SNX25: variants seen among roughly 807,000 people sequenced by gnomAD.
SNX25 encodes sorting nexin 25.
Under a neutral mutation model 113.7 loss-of-function variants are expected in SNX25, and 62 were observed. That is an observed-to-expected ratio of 0.55 (90% CI 0.44 to 0.67). The LOEUF (loss-of-function observed/expected upper bound fraction) is 0.67, where lower values mean the gene tolerates loss of function less well. Among genes scored for constraint, SNX25 ranks in the 30% least tolerant of loss-of-function variants. The pLI is 0.00. For synonymous variants in SNX25, 421 were observed against 436.2 expected (o/e 0.97, Z 0.43); for missense variants, 1,014 against 1,161.0 (o/e 0.87, Z 1.84).
chr4:185,222,309 C>T (rs1243301648), intron 1 of SNX25, among the ~76,000 whole-genome samples: 3 of 150,922 alleles, frequency 2.0e-5, no homozygotes, highest in East Asian at 2.0e-4. Context: ...ATATACTCCT[C>T]GTTCACTGTA....
intron 1 of SNX25, among the ~76,000 whole-genome samples, chr4:185,211,408 C>T (rs1737769214): frequency 6.6e-6 from 1 of 152,200 alleles, no homozygotes; most frequent in African/African-American, 2.4e-5. Context: ...AAAATCTCCA[C>T]TTAGCCATCC....
intron 5 of SNX25, among the ~76,000 whole-genome samples, chr4:185,286,990 G>A (rs771404839): frequency 6.6e-6 from 1 of 152,094 alleles, no homozygotes; most frequent in Admixed American, 6.6e-5. Context: ...AACACTGCAC[G>A]GTTTTTGTTC....
intron 1 of SNX25, among the ~76,000 whole-genome samples, chr4:185,234,333 C>T (rs1477348072): frequency 6.6e-6 from 1 of 152,176 alleles, no homozygotes; most frequent in African/African-American, 2.4e-5. Flanking sequence ...GTCATAACAT[C>T]AATCCCATGT....
intron 15 of SNX25, among the ~76,000 whole-genome samples, chr4:185,357,428 TTGG>T (rs1250801265): frequency 6.6e-6 from 1 of 152,124 alleles, no homozygotes; most frequent in Non-Finnish European, 1.5e-5. Context: ...AGCTCAGCTG[TTGG>T]GAGGCACTGA....
chr4:185,313,293 T>C (rs2095045383), intron 7 of SNX25, among the ~76,000 whole-genome samples: 1 of 152,136 alleles, frequency 6.6e-6, no homozygotes, highest in South Asian at 2.1e-4. Context: ...CAAAATAGAC[T>C]TCGGAACAGG....
At position 185,264,426 on chromosome 4, in the gene SNX25, C is replaced by G; in HGVS notation, c.732-12C>G. The stretch of plus-strand genomic sequence containing the variant: ...GAAACTTCTTTCCTTCTTTTTCACT[C>G]TCTTTATTTAGACATGAAGAACAGC... On this transcript the variant is annotated splice_polypyrimidine_tract_variant and intron_variant, in intron 3 of 18. Coordinates refer to ENST00000652585, the MANE Select transcript of SNX25 (RefSeq NM_001378034.2). 1.2e-6 allele frequency: 2 copies of G among 1,606,424 alleles called. No individual in the cohort carries two copies. The highest frequency in any genetic ancestry group is 1.1e-5 in the South Asian group (1 of 90,188).
At chr4:185,267,729 TAAAAAA>T (rs963267655) in intron 5 of SNX25, among the ~76,000 whole-genome samples, 3 of 136,274 alleles carry the variant, frequency 2.2e-5, no homozygotes, top group Non-Finnish European at 4.8e-5. Flanking sequence ...AGACTCCTTC[TAAAAAA>T]AAAAAAAAAA....
At chr4:185,367,002 A>G (rs1238644755), downstream of SNX25, 2 of 570,570 alleles carry the variant, frequency 3.5e-6, no homozygotes, top group East Asian at 5.8e-5. Flanking sequence ...CCTTGTGTCT[A>G]GGTTTCAAGT....
At chr4:185,370,451 A>G (rs2095411038), downstream of SNX25, among the ~76,000 whole-genome samples, 2 of 152,132 alleles carry the variant, frequency 1.3e-5, no homozygotes, top group South Asian at 4.1e-4. Context: ...ATTGGAGCTA[A>G]ATTATGCTAA....
intron 1 of SNX25, among the ~76,000 whole-genome samples, chr4:185,230,009 T>C (rs915464398): frequency 1.3e-5 from 2 of 152,124 alleles, no homozygotes; most frequent in Admixed American, 6.5e-5. Flanking sequence ...TTAAAATTTT[T>C]AGTAGAGATG....
chr4:185,323,497 C>G (rs2095135446), intron 8 of SNX25, 31 bp from the exon 9 acceptor site: 1 of 1,580,124 alleles, frequency 6.3e-7, no homozygotes, highest in African/African-American at 1.4e-5. Flanking sequence ...GATGATATGT[C>G]TTACTTTTCC....
chr4:185,206,258 T>TA (rs199683804), upstream of SNX25, among the ~76,000 whole-genome samples: 28 of 152,352 alleles, frequency 1.8e-4, no homozygotes, highest in East Asian at 4.8e-3. Context: ...AGTGTTTGTT[T>TA]ATCAACAGAC....
downstream of SNX25, chr4:185,374,589 A>G (rs1193762595): frequency 5.1e-6 from 5 of 987,972 alleles, 1 homozygote; most frequent in South Asian, 6.7e-5. Context: ...TCTGTGCCCA[A>G]GGGGTACAAT....
At chr4:185,323,479 C>T (rs962469176) in intron 8 of SNX25, 49 bp from the exon 9 acceptor site, 2 of 1,516,830 alleles carry the variant, frequency 1.3e-6, no homozygotes, top group South Asian at 2.4e-5. Flanking sequence ...AAAATAATTT[C>T]TCTCAGAGAT....
chr4:185,361,630 C>T lies in SNX25; in HGVS notation c.2652-294C>T, dbSNP rs543642788. Among the ~76,000 whole-genome samples the T allele has an allele frequency of 6.6e-5, 10 of 152,076 alleles. No individual in the cohort carries two copies. The South Asian group carries it at 1.9e-3, about 28-fold the overall frequency. On this transcript the variant is annotated intron_variant, in intron 16 of 18. Coordinates refer to ENST00000652585, the MANE Select transcript of SNX25 (RefSeq NM_001378034.2). ...GCACGTGCCTGTAGTCCCAGCTGCT[C>T]GGGAAGCTGAGGCAGGAGAATCACT... is the stretch of plus-strand genomic sequence containing the variant.
intron 9 of SNX25, among the ~76,000 whole-genome samples, chr4:185,325,000 C>A (rs748072170): frequency 2.6e-5 from 4 of 152,122 alleles, no homozygotes; most frequent in Non-Finnish European, 4.4e-5. Context: ...TAGTCCTAGG[C>A]ATATTATTAG....
At chr4:185,345,479 C>T (rs752303844) in intron 12 of SNX25, among the ~76,000 whole-genome samples, 1 of 152,304 alleles carries the variant, frequency 6.6e-6, no homozygotes, top group South Asian at 2.1e-4. Context: ...AATATACTTA[C>T]AATCTACAGT....
chr4:185,257,624 C>G (rs1300964180), intron 2 of SNX25, among the ~76,000 whole-genome samples: 1 of 151,826 alleles, frequency 6.6e-6, no homozygotes, highest in Admixed American at 6.6e-5. Context: ...TGAATTTTAC[C>G]TGTTTCTTTT....
intron 15 of SNX25, 43 bp from the exon 16 acceptor site, chr4:185,357,628 T>A (rs748764092): frequency 2.2e-5 from 33 of 1,480,140 alleles, no homozygotes; most frequent in Admixed American, 8.4e-5. Context: ...TCCCAAATTG[T>A]GATGCCCTGT....
Sources: gnomAD v4.1 joint callset for allele counts (sites outside exome capture counted in the v4.1 genomes callset) on GRCh38, gnomAD v4.1.1 for gene constraint, MANE v1.5 for transcripts, NCBI Gene and HGNC (gene_info 2026-07-23, HGNC 2026-07-21) for gene names.